Variants in DTWD1 observed in about 807,000 individuals in gnomAD.
DTWD1 encodes DTW motif tRNA-uridine aminocarboxypropyltransferase 1, also known as tRNA-uridine aminocarboxypropyltransferase 1.
DTWD1 carries 27 observed loss-of-function variants against 30.2 expected under a neutral mutation model. The observed-to-expected ratio is 0.90, with a 90% CI of 0.66 to 1.23. The LOEUF is 1.23. DTWD1 is among the 50% of genes most tolerant of loss of function. DTWD1 has a pLI of 0.00. For missense variants in DTWD1, 342 were observed against 348.8 expected (o/e 0.98, Z 0.15); for synonymous variants, 99 against 113.1 (o/e 0.88, Z 0.79).
Position 49,646,525 on chromosome 15 carries a change from A to C in DTWD1, c.*2947A>C, listed in dbSNP as rs1158817439. 6.6e-6 allele frequency: 1 copy of C among 152,098 alleles called. No individual in the cohort carries two copies. The highest frequency in any genetic ancestry group is 2.4e-5 in the African/African-American group (1 of 41,428). 9.4% of individuals were successfully genotyped at this position (152,098 alleles called of 1,614,324 possible). ...AACACTTCTGTGCTTTAAAAACCCC[A>C]TGCCACAATGACTGTTAAAAGGGCT... On this transcript the variant is annotated 3_prime_UTR_variant, in exon 5 of 5. Coordinates refer to ENST00000403028, the MANE Select transcript of DTWD1 (RefSeq NM_001144955.2).
chr15:49,647,561 T>C lies in DTWD1; in HGVS notation c.*3983T>C, dbSNP rs1295140078. 3 of 152,152 alleles carry C rather than the reference T, an allele frequency of 2.0e-5. No individual in the cohort carries two copies. The highest frequency in any genetic ancestry group is 7.2e-5 in the African/African-American group (3 of 41,438). The allele number at this position is 152,152 out of a possible 1,614,324, so 9.4% of individuals were successfully genotyped here. A position where few individuals can be genotyped will look rare whatever the true frequency, so the allele number is the denominator to read the frequency against. On this transcript the variant is annotated 3_prime_UTR_variant, in exon 5 of 5. Coordinates refer to ENST00000403028, the MANE Select transcript of DTWD1 (RefSeq NM_001144955.2). ...AATGCATTAGGTATATTTTTTGTCT[T>C]CCATGTTACTGGAAGCATTAATTAT... is the stretch of plus-strand genomic sequence containing the variant.
rs2079122441 is a variant in DTWD1 at position 49,646,852 on chromosome 15, G to A, written c.*3274G>A. On this transcript the variant is annotated 3_prime_UTR_variant, in exon 5 of 5. Transcript: ENST00000403028. ...CTTTCTTCCTCGCTCTTACCAGCCTGGATTGTACCTTTAATAAAGTAGTGG... is the reference window on the plus strand; with the variant it reads ...CTTTCTTCCTCGCTCTTACCAGCCTAGATTGTACCTTTAATAAAGTAGTGG... The A allele has an allele frequency of 2.0e-5, 3 of 152,104 alleles. No homozygotes were observed. Among genetic ancestry groups the A allele is most frequent in the Admixed American group, 6.6e-5 (1 of 15,252 alleles). 9.4% of individuals were successfully genotyped at this position (152,104 alleles called of 1,614,324 possible). A position where few individuals can be genotyped will look rare whatever the true frequency, so the allele number is the denominator to read the frequency against.
rs2079165705 is a variant in DTWD1 at position 49,653,866 on chromosome 15, A to G, written c.*10288A>G. ...GAAATTTTTCAACCTAGTACTTGTC[A>G]TTTTTTTATAGAAAAGGAAAAATAG... On this transcript the variant is annotated 3_prime_UTR_variant, in exon 5 of 5. Transcript: ENST00000403028. 1 of 152,042 alleles carries G rather than the reference A, an allele frequency of 6.6e-6. No individual in the cohort carries two copies. The highest frequency in any genetic ancestry group is 2.1e-4 in the South Asian group (1 of 4,826). The allele number at this position is 152,042 out of a possible 1,614,324, so 9.4% of individuals were successfully genotyped here.
At chr15:49,623,997 G>A (rs956998912) in intron 1 of DTWD1, among the ~76,000 whole-genome samples, 1 of 151,108 alleles carries the variant, frequency 6.6e-6, no homozygotes. Context: ...TACTATAACC[G>A]GCGTTTTTGT....
chr15:49,621,669 C>T (rs966227990), intron 1 of DTWD1, among the ~76,000 whole-genome samples: 4 of 152,098 alleles, frequency 2.6e-5, no homozygotes, highest in African/African-American at 9.7e-5. Flanking sequence ...TCGCCAGGCC[C>T]ACAAAGTTGG....
rs535673269 is a variant in DTWD1, at chr15:49,652,788, A to G, written c.*9210A>G. On this transcript the variant is annotated 3_prime_UTR_variant, in exon 5 of 5. Transcript: ENST00000403028. ...AGGGTGGATTGTAATAAGCAAAGAG[A>G]TACACTGCCTGATTCACTTTAAGAA... 4.6e-5 allele frequency: 7 copies of G among 152,258 alleles called. No homozygotes were observed. Among genetic ancestry groups the G allele is most frequent in the Admixed American group, 1.3e-4 (2 of 15,294 alleles). The allele number at this position is 152,258 out of a possible 1,614,324, so 9.4% of individuals were successfully genotyped here.
At position 49,643,365 on chromosome 15, in the gene DTWD1, T is replaced by C; in HGVS notation, c.702T>C (p.Thr234=). ...LLQVELKTRK[T]CFWRHQKGKP... ...AAGTTGAGTTGAAAACAAGAAAAAC[T>C]TGCTTTTGGCGCCATCAAAAAGGAA... The change falls in exon 5 of 5, where the codon ACT becomes ACC. Residue 234 remains threonine, a synonymous_variant. Coordinates refer to ENST00000403028, the MANE Select transcript of DTWD1 (RefSeq NM_001144955.2). 1 of 1,553,538 alleles carries C rather than the reference T, an allele frequency of 6.4e-7. No individual in the cohort carries two copies. Among genetic ancestry groups the C allele is most frequent in the South Asian group, 1.3e-5 (1 of 79,328 alleles).
rs563279856 is a variant in DTWD1 at position 49,635,180 on chromosome 15, G to A, written c.667+386G>A. ...CTCCCAGGTAGCTGGGATTACAGGCGCCCACCACCACACCTGCCTAAATTT... is the reference window on the plus strand; with the variant it reads ...CTCCCAGGTAGCTGGGATTACAGGCACCCACCACCACACCTGCCTAAATTT... On this transcript the variant is annotated intron_variant, in intron 4 of 4. Coordinates refer to ENST00000403028, the MANE Select transcript of DTWD1 (RefSeq NM_001144955.2). Among the ~76,000 whole-genome samples, 7 of 151,686 alleles carry A rather than the reference G, an allele frequency of 4.6e-5. No individual in the cohort carries two copies. The South Asian group carries it at 6.3e-4, about 14-fold the overall frequency.
intron 1 of DTWD1, 113 bp downstream of exon 1, chr15:49,621,235 C>T (rs1017874080): frequency 3.3e-5 from 5 of 152,156 alleles, no homozygotes; most frequent in Admixed American, 6.5e-5. Flanking sequence ...AGGACCCTAG[C>T]GGAGGTCGCG....
In DTWD1 at chr15:49,625,143, C is replaced by T. The variant is rs749481012; in HGVS notation, c.-25C>T. 11 of 1,605,216 alleles carry T rather than the reference C, an allele frequency of 6.9e-6. No homozygotes were observed. Among genetic ancestry groups the T allele is most frequent in the African/African-American group, 1.3e-5 (1 of 74,526 alleles). On this transcript the variant is annotated 5_prime_UTR_variant, in exon 2 of 5. Transcript: ENST00000403028. ...CTATGATATGTGTTTTAGAAATAGC[C>T]GTTAAACTTTGGTTTGAATGAAGAA...
chr15:49,643,567 C>T lies in DTWD1; in HGVS notation c.904C>T (p.Leu302Phe), dbSNP rs780555866. Residue 302 changes from leucine to phenylalanine, a missense_variant, in exon 5 of 5, where the codon CTT (leucine) becomes TTT (phenylalanine). Coordinates refer to ENST00000403028, the MANE Select transcript of DTWD1 (RefSeq NM_001144955.2). ...CTCTGGAGATAAGGAAACAGGAAAA[C>T]TTACACATTAGTTTTTAACAAGCCA... ...KCSGDKETGKLTH is the reference protein window; with the variant it reads ...KCSGDKETGKFTH 3 of 1,591,330 alleles carry T rather than the reference C, an allele frequency of 1.9e-6. No homozygotes were observed. The highest frequency in any genetic ancestry group is 2.6e-6 in the Non-Finnish European group (3 of 1,172,028).
Position 49,652,289 on chromosome 15 carries a change from G to T in DTWD1, c.*8711G>T, listed in dbSNP as rs1252879566. ...TACCTGGATACTTTCGGTTCCTTGT[G>T]TCTGTCTAGGGAGCAGCAGCCAATA... On this transcript the variant is annotated 3_prime_UTR_variant, in exon 5 of 5. Transcript: ENST00000403028. 6.6e-6 allele frequency: 1 copy of T among 152,148 alleles called. No homozygotes were observed. The highest frequency in any genetic ancestry group is 1.5e-5 in the Non-Finnish European group (1 of 68,028). The allele number at this position is 152,148 out of a possible 1,614,324, so 9.4% of individuals were successfully genotyped here.
rs777859479 is a variant in DTWD1 at position 49,647,282 on chromosome 15, A to G, written c.*3704A>G. The G allele has an allele frequency of 6.6e-5, 10 of 152,194 alleles. No individual in the cohort carries two copies. Among genetic ancestry groups the G allele is most frequent in the Non-Finnish European group, 1.5e-4 (10 of 68,024 alleles). The allele number at this position is 152,194 out of a possible 1,614,324, so 9.4% of individuals were successfully genotyped here. ...TGTTCTTTTCTTTGAGGCCATGTTA[A>G]TGGCAGTCCCTTGATTTGGTCTTTG... On this transcript the variant is annotated 3_prime_UTR_variant, in exon 5 of 5. Transcript: ENST00000403028.
At position 49,643,699 on chromosome 15, in the gene DTWD1, A is replaced by G; in HGVS notation, c.*121A>G. The G allele has an allele frequency of 9.6e-7, 1 of 1,038,572 alleles. No homozygotes were observed. Among genetic ancestry groups the G allele is most frequent in the Non-Finnish European group, 1.3e-6 (1 of 760,680 alleles). The allele number at this position is 1,038,572 out of a possible 1,614,324, so 64.3% of individuals were successfully genotyped here. A position where few individuals can be genotyped will look rare whatever the true frequency, so the allele number is the denominator to read the frequency against. On this transcript the variant is annotated 3_prime_UTR_variant, in exon 5 of 5. Transcript: ENST00000403028. Reference sequence around the variant, plus strand: ...CTGTAAGACCATTTGAAAAAATTCCAGTTTCATATATATCACTTCATATTT... The same window carrying G: ...CTGTAAGACCATTTGAAAAAATTCCGGTTTCATATATATCACTTCATATTT...
Position 49,655,046 on chromosome 15 carries a change from G to A in DTWD1, c.*11468G>A, listed in dbSNP as rs984484361. The A allele has an allele frequency of 1.3e-5, 2 of 151,988 alleles. No homozygotes were observed. The highest frequency in any genetic ancestry group is 1.3e-4 in the Admixed American group (2 of 15,214). 9.4% of individuals were successfully genotyped at this position (151,988 alleles called of 1,614,324 possible). A position where few individuals can be genotyped will look rare whatever the true frequency, so the allele number is the denominator to read the frequency against. On this transcript the variant is annotated 3_prime_UTR_variant, in exon 5 of 5. Transcript: ENST00000403028. ...AGGGTCTTCAACCTCATGGCTTCTT[G>A]GAACCAAATTACTTCCCAAAGTCCT...
At chr15:49,630,666 C>A (rs181367806) in intron 2 of DTWD1, among the ~76,000 whole-genome samples, 10 of 152,196 alleles carry the variant, frequency 6.6e-5, no homozygotes, top group African/African-American at 2.4e-4. Context: ...ATGTTACAGA[C>A]AACATCTATA....
intron 1 of DTWD1, among the ~76,000 whole-genome samples, chr15:49,621,522 G>A (rs1567728227): frequency 6.6e-6 from 1 of 152,104 alleles, no homozygotes; most frequent in Admixed American, 6.6e-5. Flanking sequence ...TAGTACAGAC[G>A]TAGAATTAGT....
chr15:49,636,495 C>G (rs1164168043), intron 4 of DTWD1, among the ~76,000 whole-genome samples: 1 of 152,106 alleles, frequency 6.6e-6, no homozygotes, highest in Admixed American at 6.5e-5. Context: ...TTAAACTCGT[C>G]ACGGTTTATT....
chr15:49,627,475 A>G (rs1293050026), intron 2 of DTWD1, among the ~76,000 whole-genome samples: 1 of 152,198 alleles, frequency 6.6e-6, no homozygotes, highest in Non-Finnish European at 1.5e-5. Context: ...ATGTCTCCTA[A>G]TGACAGGGAT....
Sources: gnomAD v4.1 joint callset for allele counts (sites outside exome capture counted in the v4.1 genomes callset) on GRCh38, gnomAD v4.1.1 for gene constraint, MANE v1.5 for transcripts, NCBI Gene and HGNC (gene_info 2026-07-23, HGNC 2026-07-21) for gene names.